The following NIBAN1 variants were observed in gnomAD, a reference collection of about 807,000 sequenced individuals.
The protein encoded by NIBAN1 is protein Niban 1.
NIBAN1 carries 81 observed loss-of-function variants against 75.1 expected under a neutral mutation model. The ratio of observed to expected loss-of-function variants is 1.08; its 90% CI spans 0.90 to 1.30. The LOEUF is 1.30. NIBAN1 is among the 50% of genes most tolerant of loss of function. The pLI is 0.00. For synonymous variants in NIBAN1, 436 were observed against 424.8 expected (o/e 1.03, Z -0.32); for missense variants, 1,133 against 1,128.1 (o/e 1.00, Z -0.06).
intron 5 of NIBAN1, among the ~76,000 whole-genome samples, chr1:184,862,554 A>AT (rs1655844267): frequency 6.6e-6 from 1 of 152,190 alleles, no homozygotes; most frequent in Non-Finnish European, 1.5e-5. Flanking sequence ...AAATGAACAC[A>AT]TTTTTTAGCA....
At chr1:184,868,088 G>T in intron 5 of NIBAN1, 1 of 982,908 alleles carries the variant, frequency 1.0e-6, no homozygotes, top group Non-Finnish European at 1.2e-6. Flanking sequence ...GCTTTGTCTG[G>T]TAAGATGTGA....
intron 10 of NIBAN1, among the ~76,000 whole-genome samples, chr1:184,807,605 C>G (rs866806992): frequency 1.1e-4 from 16 of 152,042 alleles, no homozygotes; most frequent in African/African-American, 3.6e-4. Context: ...CTGGCCAACA[C>G]AGTAAAAACC....
intron 12 of NIBAN1, 77 bp downstream of exon 12, chr1:184,803,508 A>C: frequency 8.9e-7 from 1 of 1,126,974 alleles, no homozygotes; most frequent in Non-Finnish European, 1.3e-6. Context: ...GCTGTTTGCC[A>C]GTACACATCA....
intron 9 of NIBAN1, among the ~76,000 whole-genome samples, chr1:184,817,182 T>C (rs1654561996): frequency 6.6e-6 from 1 of 152,230 alleles, no homozygotes; most frequent in African/African-American, 2.4e-5. Context: ...GCTTCATCCA[T>C]GTCCCTGCAA....
intron 5 of NIBAN1, among the ~76,000 whole-genome samples, chr1:184,835,131 T>G (rs1655103007): frequency 6.6e-6 from 1 of 152,236 alleles, no homozygotes; most frequent in South Asian, 2.1e-4. Flanking sequence ...TTTGTCAGGT[T>G]TGTCAAAGAT....
At chr1:184,801,373 G>A (rs1023003756) in intron 12 of NIBAN1, among the ~76,000 whole-genome samples, 2 of 152,192 alleles carry the variant, frequency 1.3e-5, no homozygotes, top group Non-Finnish European at 2.9e-5. Flanking sequence ...ACAGATTTGA[G>A]AAAAGCATTG....
intron 5 of NIBAN1, among the ~76,000 whole-genome samples, chr1:184,842,230 A>G (rs1478515591): frequency 6.6e-6 from 1 of 152,172 alleles, no homozygotes; most frequent in Non-Finnish European, 1.5e-5. Context: ...GATGTACTCT[A>G]CCCCAGTGCT....
intron 4 of NIBAN1, 148 bp downstream of exon 4, chr1:184,889,960 C>T (rs1019864638): frequency 1.6e-6 from 1 of 643,052 alleles, no homozygotes; most frequent in Non-Finnish European, 2.7e-6. Flanking sequence ...CCATAGCACC[C>T]CGATTCCAAT....
chr1:184,795,378 A>C lies in NIBAN1; in HGVS notation c.2386T>G (p.Ser796Ala). The stretch of plus-strand genomic sequence containing the variant: ...GTGAGCCCTCCACTGGCTGGCGGAG[A>C]GGCTGGGCTGCCTACCTCTGGAAAT... ...GGFPEVGSPA[S>A]PPASGGLTEE... is the part of the protein sequence containing the mutation. Residue 796 changes from serine to alanine, a missense_variant, in exon 14 of 14, where the codon TCT (serine) becomes GCT (alanine). Ser to Ala is a moderately conservative substitution (Grantham distance 99). Coordinates refer to ENST00000367511, the MANE Select transcript of NIBAN1 (RefSeq NM_052966.4). The C allele has an allele frequency of 6.2e-7, 1 of 1,604,722 alleles. No individual in the cohort carries two copies. The highest frequency in any genetic ancestry group is 1.1e-5 in the South Asian group (1 of 90,026).
intron 4 of NIBAN1, among the ~76,000 whole-genome samples, chr1:184,889,521 T>C (rs1171593030): frequency 6.6e-6 from 1 of 152,212 alleles, no homozygotes; most frequent in Non-Finnish European, 1.5e-5. Context: ...TTTAGTTGCA[T>C]ATCATCCTAA....
At chr1:184,881,261 C>G (rs1656370559) in intron 5 of NIBAN1, among the ~76,000 whole-genome samples, 1 of 152,156 alleles carries the variant, frequency 6.6e-6, no homozygotes, top group Admixed American at 6.5e-5. Flanking sequence ...TGTTGGAGAA[C>G]AGGGCATAAT....
At chr1:184,824,266 G>A (rs1248057106) in intron 6 of NIBAN1, among the ~76,000 whole-genome samples, 1 of 152,092 alleles carries the variant, frequency 6.6e-6, no homozygotes, top group Non-Finnish European at 1.5e-5. Context: ...TTAATGTTTA[G>A]TAAACGAAGG....
Position 184,795,389 on chromosome 1 carries a change from C to T in NIBAN1, c.2375G>A (p.Gly792Asp), listed in dbSNP as rs745790519. The T allele has an allele frequency of 1.5e-5, 24 of 1,605,190 alleles. No individual in the cohort carries two copies. The highest frequency in any genetic ancestry group is 2.0e-5 in the Non-Finnish European group (23 of 1,176,394). Residue 792 changes from glycine (G) to aspartate (D), a missense_variant, in exon 14 of 14, where the codon GGC (glycine) becomes GAC (aspartate). Transcript: ENST00000367511. ...GEELGGFPEV[G>D]SPASPPASGG... is the part of the protein sequence containing the mutation. ...ACTGGCTGGCGGAGAGGCTGGGCTG[C>T]CTACCTCTGGAAATCCCCCCAACTC...
intron 5 of NIBAN1, among the ~76,000 whole-genome samples, chr1:184,873,240 T>A (rs1356230686): frequency 2.0e-5 from 3 of 152,094 alleles, no homozygotes; most frequent in Non-Finnish European, 4.4e-5. Flanking sequence ...TTAAAGAAAA[T>A]TCTACAAGAT....
chr1:184,920,438 A>G lies in NIBAN1; in HGVS notation c.56-21129T>C, dbSNP rs190978826. 2.6e-4 allele frequency among the ~76,000 whole-genome samples: 39 copies of G among 152,274 alleles called. No homozygotes were observed. The East Asian group carries it at 4.8e-3, about 19-fold the overall frequency. ...CTAGCTATTTGAAAATAAATAACAA[A>G]TTATTGTTAACTATACTCACCCTAC... On this transcript the variant is annotated intron_variant, in intron 1 of 13. Transcript: ENST00000367511.
At chr1:184,923,007 T>G (rs1292168795) in intron 1 of NIBAN1, among the ~76,000 whole-genome samples, 1 of 152,226 alleles carries the variant, frequency 6.6e-6, no homozygotes, top group African/African-American at 2.4e-5. Flanking sequence ...TCTCCCATTC[T>G]GTCAGTTGTC....
At chr1:184,967,430 A>C (rs1658824053) in intron 1 of NIBAN1, among the ~76,000 whole-genome samples, 3 of 150,448 alleles carry the variant, frequency 2.0e-5, no homozygotes. Context: ...AGCTATACTA[A>C]AAAAAATTAA....
At position 184,797,137 on chromosome 1, in the gene NIBAN1, C is replaced by CT. The variant is rs56272970; in HGVS notation, c.1666+941dup. Among the ~76,000 whole-genome samples the CT allele has an allele frequency of 2.8e-3, 363 of 130,542 alleles. 2 individuals are homozygous for CT. The highest frequency in any genetic ancestry group is 1.0e-2 in the South Asian group (39 of 3,912). The allele number at this position is 130,542 out of a possible 152,430, so 85.6% of individuals were successfully genotyped here. A position where few individuals can be genotyped will look rare whatever the true frequency, so the allele number is the denominator to read the frequency against. On this transcript the variant is annotated intron_variant, in intron 13 of 13. Coordinates refer to ENST00000367511, the MANE Select transcript of NIBAN1 (RefSeq NM_052966.4). ...ACAGTTTGATGGTGGCCTTCTCCAG[C>CT]TTTTTTTTTTTTTTTTTTTTGAGAC...
At chr1:184,866,030 T>C (rs1655947164) in intron 5 of NIBAN1, among the ~76,000 whole-genome samples, 1 of 152,182 alleles carries the variant, frequency 6.6e-6, no homozygotes, top group South Asian at 2.1e-4. Context: ...AATGATGACC[T>C]ACTTCCCATG....
Sources: allele counts gnomAD v4.1 joint callset (sites outside exome capture counted in the v4.1 genomes callset), GRCh38; gene constraint gnomAD v4.1.1; transcripts MANE v1.5; gene names NCBI Gene and HGNC (gene_info 2026-07-23, HGNC 2026-07-21).